Variants in CDH11 observed in about 807,000 individuals in gnomAD.
CDH11 encodes the protein cadherin 11, also known as cadherin-11.
Under a neutral mutation model 67.8 loss-of-function variants are expected in CDH11, and 11 were observed. That is an observed-to-expected ratio of 0.16 (90% CI 0.10 to 0.27). The LOEUF is 0.27. CDH11 is among the 10% of genes least tolerant of loss of function. The pLI, the probability that CDH11 is intolerant of heterozygous loss-of-function variation, is 1.00. For synonymous variants in CDH11, 419 were observed against 400.0 expected, an observed-to-expected ratio of 1.05 and a Z score of -0.57; for missense variants, 847 against 1,031.2, an observed-to-expected ratio of 0.82 and a Z score of 2.45.
At position 65,077,610 on chromosome 16, in the gene CDH11, CA is replaced by C. The variant is rs2074535679; in HGVS notation, c.-297-23683del. On this transcript the variant is annotated intron_variant, in intron 1 of 12. Coordinates refer to ENST00000268603, the MANE Select transcript of CDH11 (RefSeq NM_001797.4). ...CTTACCATGTACCCTGTAGTCAAGA[CA>C]GTGAAAAGATGAACTATAGGTACCT... Among the ~76,000 whole-genome samples, 11 of 152,322 alleles carry C rather than the reference CA, an allele frequency of 7.2e-5. 1 individual carries two copies. In the South Asian group the frequency reaches 2.3e-3, roughly 32 times the overall value.
rs147901822 is a variant in CDH11 at position 64,991,262 on chromosome 16, C to A, written c.811+506G>T. 1,274 of 153,074 alleles carry A rather than the reference C, an allele frequency of 8.3e-3. 6 individuals are homozygous for A. Among genetic ancestry groups the A allele is most frequent in the Non-Finnish European group, 0.013 (883 of 68,530 alleles). 9.5% of individuals were successfully genotyped at this position (153,074 alleles called of 1,614,324 possible). ...GATCCTCCAACCCCAGTGGAGCTAT[C>A]CCCAGTTGTTGCTATGGAGAACAGA... is the stretch of plus-strand genomic sequence containing the variant. On this transcript the variant is annotated intron_variant, in intron 6 of 12. Transcript: ENST00000268603.
At chr16:65,015,513 G>A (rs1432610193) in intron 2 of CDH11, among the ~76,000 whole-genome samples, 1 of 151,838 alleles carries the variant, frequency 6.6e-6, no homozygotes, top group East Asian at 1.9e-4. Flanking sequence ...GGCAGGGGAA[G>A]CATCAAGAGG....
chr16:64,971,541 T>G (rs199542657), intron 11 of CDH11, 38 bp downstream of exon 11: 2 of 1,223,516 alleles, frequency 1.6e-6, no homozygotes. Context: ...TGTTTTCCAG[T>G]TCTACTTCTC....
chr16:65,052,066 A>T (rs1286072598), intron 2 of CDH11, among the ~76,000 whole-genome samples: 1 of 152,208 alleles, frequency 6.6e-6, no homozygotes, highest in East Asian at 1.9e-4. Context: ...GACATATAGT[A>T]AGCATGCAAA....
intron 2 of CDH11, among the ~76,000 whole-genome samples, chr16:65,036,232 A>T (rs950393614): frequency 1.3e-5 from 2 of 152,130 alleles, no homozygotes; most frequent in East Asian, 3.8e-4. Flanking sequence ...CATTTTAACA[A>T]TTTGACTTTA....
chr16:65,012,317 A>G (rs2073200611), intron 2 of CDH11, among the ~76,000 whole-genome samples: 1 of 152,210 alleles, frequency 6.6e-6, no homozygotes, highest in Non-Finnish European at 1.5e-5. Flanking sequence ...CAGTTCAGTG[A>G]CAACTAAATC....
At chr16:65,115,181 GAACA>G (rs1423475039) in intron 1 of CDH11, among the ~76,000 whole-genome samples, 3 of 152,028 alleles carry the variant, frequency 2.0e-5, no homozygotes, top group Non-Finnish European at 4.4e-5. Flanking sequence ...TACGCAGAAC[GAACA>G]GAGGGAAAAA....
intron 1 of CDH11, among the ~76,000 whole-genome samples, chr16:65,075,107 T>G (rs1034620624): frequency 1.3e-5 from 2 of 152,220 alleles, no homozygotes; most frequent in East Asian, 3.9e-4. Context: ...GCTGGTCGTC[T>G]GCTCATCAGT....
chr16:65,083,881 T>C (rs566261206), intron 1 of CDH11, among the ~76,000 whole-genome samples: 15 of 152,204 alleles, frequency 9.9e-5, no homozygotes, highest in Admixed American at 3.3e-4. Flanking sequence ...TTTCAGAAAA[T>C]TAACAAGACA....
intron 1 of CDH11, among the ~76,000 whole-genome samples, chr16:65,114,610 C>T (rs1567588148): frequency 6.6e-6 from 1 of 152,080 alleles, no homozygotes; most frequent in Non-Finnish European, 1.5e-5. Context: ...TTCCTTTTCC[C>T]CGGCAAACAC....
chr16:64,952,469 T>C (rs533484644), intron 11 of CDH11, among the ~76,000 whole-genome samples: 31 of 152,328 alleles, frequency 2.0e-4, no homozygotes, highest in South Asian at 6.2e-4. Flanking sequence ...TAACCAAAAT[T>C]CCAGATGTTG....
At chr16:64,987,952 C>G (rs1019053826) in intron 7 of CDH11, 2 of 440,920 alleles carry the variant, frequency 4.5e-6, no homozygotes, top group African/African-American at 4.1e-5. Context: ...GCAGGTATCA[C>G]CAGCCCCTTT....
At chr16:64,992,015 C>A in intron 5 of CDH11, 80 bp from the exon 6 acceptor site, 18 of 1,013,260 alleles carry the variant, frequency 1.8e-5, no homozygotes, top group Non-Finnish European at 2.6e-5. Flanking sequence ...ACTGAGGAAG[C>A]AATGCTGAAT....
At chr16:65,042,198 G>C (rs534236345) in intron 2 of CDH11, among the ~76,000 whole-genome samples, 1 of 152,336 alleles carries the variant, frequency 6.6e-6, no homozygotes, top group South Asian at 2.1e-4. Flanking sequence ...GGCTGAACAA[G>C]TCTCTAAACT....
At chr16:65,036,090 T>C (rs1326182771) in intron 2 of CDH11, among the ~76,000 whole-genome samples, 2 of 152,172 alleles carry the variant, frequency 1.3e-5, no homozygotes, top group African/African-American at 2.4e-5. Flanking sequence ...ATACTTTCTT[T>C]TATTAATTTG....
At chr16:64,959,945 G>A (rs565408949) in intron 11 of CDH11, among the ~76,000 whole-genome samples, 10 of 152,056 alleles carry the variant, frequency 6.6e-5, no homozygotes, top group Admixed American at 3.3e-4. Flanking sequence ...TGCTTTCCAC[G>A]CAAACATTTT....
chr16:64,954,720 T>C (rs916266044), intron 11 of CDH11, among the ~76,000 whole-genome samples: 6 of 151,818 alleles, frequency 4.0e-5, no homozygotes, highest in Non-Finnish European at 7.4e-5. Flanking sequence ...CCAATGGGAG[T>C]GCGAGCCTTC....
At chr16:64,948,561 G>T (rs748321184) in intron 12 of CDH11, 1 of 1,453,822 alleles carries the variant, frequency 6.9e-7, no homozygotes, top group Admixed American at 1.7e-5. Flanking sequence ...TTCTGCCAAT[G>T]TCTGAGAAAG....
intron 1 of CDH11, among the ~76,000 whole-genome samples, chr16:65,070,925 C>T (rs1254541616): frequency 6.6e-6 from 1 of 152,130 alleles, no homozygotes; most frequent in Non-Finnish European, 1.5e-5. Context: ...TGAAAAAAAC[C>T]AACCTCCCAC....
Sources: gnomAD v4.1 joint callset for allele counts (sites outside exome capture counted in the v4.1 genomes callset) on GRCh38, gnomAD v4.1.1 for gene constraint, MANE v1.5 for transcripts, NCBI Gene and HGNC (gene_info 2026-07-23, HGNC 2026-07-21) for gene names.